The following EPCAM variants were observed in gnomAD, a reference collection of about 807,000 sequenced individuals.
EPCAM encodes epithelial cell adhesion molecule.
Under a neutral mutation model 40.0 loss-of-function variants are expected in EPCAM, and 39 were observed. The ratio of observed to expected loss-of-function variants is 0.98; its 90% CI spans 0.76 to 1.27. EPCAM has a LOEUF of 1.27. EPCAM is among the 50% of genes most tolerant of loss of function. The pLI is 0.00. For synonymous variants in EPCAM, 168 were observed against 132.3 expected, an observed-to-expected ratio of 1.27 and a Z score of -1.85; for missense variants, 503 against 381.2, an observed-to-expected ratio of 1.32 and a Z score of -2.66.
chr2:47,375,277 T>G lies in EPCAM; in HGVS notation c.469T>G (p.Tyr157Asp), dbSNP rs1405140161. The stretch of plus-strand genomic sequence containing the variant: ...AAAACACAAAGCAAGAGAAAAACCT[T>G]ATGATAGTAAAAGTTTGCGGACGTA... ...ELKHKAREKPYDSKSLRTALQ... is the reference protein window; with the variant it reads ...ELKHKAREKPDDSKSLRTALQ... Residue 157 changes from tyrosine (Y) to aspartate (D), a missense_variant, in exon 4 of 9, where the codon TAT becomes GAT. Tyr to Asp is a radical substitution (Grantham distance 160). Transcript: ENST00000263735. The G allele has an allele frequency of 3.7e-6, 6 of 1,612,410 alleles. No homozygotes were observed.
chr2:47,383,103 G>C (rs577542568), intron 7 of EPCAM: 2 of 151,868 alleles, frequency 1.3e-5, no homozygotes, highest in East Asian at 2.0e-4. Flanking sequence ...TCAGGAGATC[G>C]AGGCCATCCT....
Position 47,373,974 on chromosome 2 carries a change from G to C in EPCAM, c.351G>C (p.Trp117Cys), listed in dbSNP as rs994384264. The change falls in exon 3 of 9, where the codon TGG becomes TGC. Residue 117 changes from tryptophan (W) to cysteine (C), a missense_variant. Physicochemically the swap from Trp to Cys is radical, Grantham distance 215. Transcript: ENST00000263735. ...AGTGCAACGGCACCTCCATGTGCTGGTGTGTGAACACTGCTGGGGTCAGAA... is the reference window on the plus strand; with the variant it reads ...AGTGCAACGGCACCTCCATGTGCTGCTGTGTGAACACTGCTGGGGTCAGAA... ...AKQCNGTSMC[W>C]CVNTAGVRRT... 1.2e-6 allele frequency: 2 copies of C among 1,614,012 alleles called. No homozygotes were observed. Among genetic ancestry groups the C allele is most frequent in the Non-Finnish European group, 1.7e-6 (2 of 1,180,010 alleles).
At chr2:47,380,082 G>C (rs1671549350) in intron 7 of EPCAM, 113 bp downstream of exon 7, 1 of 1,505,360 alleles carries the variant, frequency 6.6e-7, no homozygotes, top group Non-Finnish European at 9.0e-7. Context: ...TTGGGAGGCT[G>C]AGACAGGTGG....
intron 7 of EPCAM, among the ~76,000 whole-genome samples, chr2:47,381,213 G>A (rs1218646185): frequency 2.0e-5 from 3 of 149,980 alleles, no homozygotes; most frequent in African/African-American, 2.4e-5. Flanking sequence ...CCTGACCAAC[G>A]TGGAGAAACC....
chr2:47,375,787 C>G (rs915797353), intron 4 of EPCAM, among the ~76,000 whole-genome samples: 3 of 151,208 alleles, frequency 2.0e-5, no homozygotes, highest in African/African-American at 7.3e-5. Flanking sequence ...CTCACTGCAA[C>G]CTGCGCCTGC....
intron 6 of EPCAM, 102 bp downstream of exon 6, chr2:47,379,156 C>A: frequency 1.3e-6 from 1 of 748,060 alleles, no homozygotes. Flanking sequence ...ACAGATCAAC[C>A]AAATGGTTCG....
rs376344699 is a variant in EPCAM, at chr2:47,369,314, G to T, written c.-192G>T. 16 of 1,365,032 alleles carry T rather than the reference G, an allele frequency of 1.2e-5. No homozygotes were observed. The highest frequency in any genetic ancestry group is 1.5e-5 in the Non-Finnish European group (16 of 1,049,354). 84.6% of individuals were successfully genotyped at this position (1,365,032 alleles called of 1,614,324 possible). A position where few individuals can be genotyped will look rare whatever the true frequency, so the allele number is the denominator to read the frequency against. ...TGCGCTCCGCCCCGCCGCGCGCACA[G>T]AGCGCTAGTCCTTCGGCGAGCGAGC... On this transcript the variant is annotated 5_prime_UTR_variant, in exon 1 of 9. Coordinates refer to ENST00000263735, the MANE Select transcript of EPCAM (RefSeq NM_002354.3).
intron 5 of EPCAM, among the ~76,000 whole-genome samples, chr2:47,378,371 G>T: frequency 6.8e-6 from 1 of 146,384 alleles, no homozygotes. Flanking sequence ...GCGCCATCTC[G>T]GCTCACCACG....
intron 1 of EPCAM, among the ~76,000 whole-genome samples, chr2:47,373,205 TAAAAAAAAAAAAAAAAAAAA>T: frequency 1.5e-5 from 1 of 65,056 alleles, no homozygotes; most frequent in African/African-American, 5.1e-5. Flanking sequence ...ACCCTATCTT[TAAAAAAAAAAAAAAAAAAAA>T]AAAAAAAAAA....
chr2:47,372,645 C>T (rs758996394), intron 1 of EPCAM, among the ~76,000 whole-genome samples: 1 of 151,900 alleles, frequency 6.6e-6, no homozygotes, highest in Non-Finnish European at 1.5e-5. Context: ...GGTGGCATAC[C>T]CCTGTAGTCC....
chr2:47,381,918 C>T (rs1401920346), intron 7 of EPCAM, among the ~76,000 whole-genome samples: 1 of 152,042 alleles, frequency 6.6e-6, no homozygotes, highest in Non-Finnish European at 1.5e-5. Flanking sequence ...AGGTATGTGC[C>T]ACTATACCTG....
intron 1 of EPCAM, among the ~76,000 whole-genome samples, chr2:47,370,360 C>G (rs141858612): frequency 6.6e-6 from 1 of 151,416 alleles, no homozygotes; most frequent in Middle Eastern, 3.2e-3. Context: ...CAACTTTCGC[C>G]TCCCGGGTTC....
rs1257057505 is a variant in EPCAM, at chr2:47,379,769, G to T, written c.658G>T (p.Val220Phe). 1 of 1,612,642 alleles carries T rather than the reference G, an allele frequency of 6.2e-7. No individual in the cohort carries two copies. The change falls in exon 7 of 9, where the codon GTT becomes TTT. Residue 220 changes from valine (V) to phenylalanine (F), a missense_variant and splice_region_variant. Val to Phe is a conservative substitution (Grantham distance 50, BLOSUM62 -1). Coordinates refer to ENST00000263735, the MANE Select transcript of EPCAM (RefSeq NM_002354.3). ...ADVAYYFEKDVKGESLFHSKK... is the reference protein window; with the variant it reads ...ADVAYYFEKDFKGESLFHSKK... Reference sequence around the variant, plus strand: ...ATTCCTTTTCTCCTTTTCAATACAGGTTAAAGGTGAATCCTTGTTTCATTC... The same window carrying T: ...ATTCCTTTTCTCCTTTTCAATACAGTTTAAAGGTGAATCCTTGTTTCATTC...
In EPCAM at chr2:47,386,586, T is replaced by G. The variant is rs376919625; in HGVS notation, c.918T>G (p.Gly306=). ...TCCTGTTTCAGATAAAGGAGATGGG[T>G]GAGATGCATAGGGAACTCAATGCAT... is the stretch of plus-strand genomic sequence containing the variant. ...KYEKAEIKEM[G]EMHRELNA is the part of the protein sequence containing the mutation. Residue 306 remains glycine, a synonymous_variant, in exon 9 of 9, where the codon GGT becomes GGG. Coordinates refer to ENST00000263735, the MANE Select transcript of EPCAM (RefSeq NM_002354.3). 7.5e-6 allele frequency: 12 copies of G among 1,607,326 alleles called. No homozygotes were observed. The highest frequency in any genetic ancestry group is 1.0e-5 in the Non-Finnish European group (12 of 1,175,062).
intron 1 of EPCAM, among the ~76,000 whole-genome samples, chr2:47,370,143 A>C (rs1295053672): frequency 6.6e-6 from 1 of 152,236 alleles, no homozygotes; most frequent in African/African-American, 2.4e-5. Flanking sequence ...TTTTCTAAGG[A>C]TCATATGAGT....
intron 6 of EPCAM, 51 bp from the exon 7 acceptor site, chr2:47,379,718 A>G (rs564616792): frequency 1.9e-6 from 3 of 1,599,348 alleles, no homozygotes; most frequent in South Asian, 2.2e-5. Context: ...ATATGTGGCC[A>G]TGGTTGGTTT....
intron 7 of EPCAM, among the ~76,000 whole-genome samples, chr2:47,384,863 C>T (rs546926192): frequency 1.8e-4 from 28 of 152,200 alleles, no homozygotes; most frequent in African/African-American, 6.3e-4. Context: ...CGTGCCATGA[C>T]ACCTGGCTAA....
chr2:47,376,334 G>A (rs374242663), intron 4 of EPCAM, among the ~76,000 whole-genome samples: 3 of 143,230 alleles, frequency 2.1e-5, no homozygotes, highest in South Asian at 4.5e-4. Context: ...ACGGCTCACC[G>A]CAACCTCTGC....
At chr2:47,376,977 AC>A in intron 4 of EPCAM, 36 bp from the exon 5 acceptor site, 1 of 1,413,552 alleles carries the variant, frequency 7.1e-7, no homozygotes, top group Non-Finnish European at 1.0e-6. Context: ...TGTGGTACAA[AC>A]ATTTTTTTTT....
Sources: gnomAD v4.1 joint callset for allele counts (sites outside exome capture counted in the v4.1 genomes callset) on GRCh38, gnomAD v4.1.1 for gene constraint, MANE v1.5 for transcripts, NCBI Gene and HGNC (gene_info 2026-07-23, HGNC 2026-07-21) for gene names.